ACBD6: variants seen among roughly 807,000 people sequenced by gnomAD.
The protein encoded by ACBD6 is acyl-CoA binding domain containing 6.
A neutral mutation model predicts 37.2 loss-of-function variants in ACBD6; 28 were observed. That is an observed-to-expected ratio of 0.75 (90% confidence interval 0.56 to 1.03). The LOEUF is 1.03. ACBD6 is among the 50% of genes least tolerant of loss of function. ACBD6 has a pLI of 0.00. For synonymous variants in ACBD6, 113 were observed against 126.8 expected (o/e 0.89, Z 0.73); for missense variants, 340 against 337.4 (o/e 1.01, Z -0.06).
At chr1:180,296,958 T>C (rs1571329068) in intron 7 of ACBD6, among the ~76,000 whole-genome samples, 1 of 151,886 alleles carries the variant, frequency 6.6e-6, no homozygotes, top group East Asian at 2.0e-4. Context: ...AACCCCATCT[T>C]TACTAAAAAT....
chr1:180,502,190 C>T lies in ACBD6; in HGVS notation c.77G>A (p.Gly26Glu), dbSNP rs1161659175. The T allele has an allele frequency of 1.2e-6, 2 of 1,614,088 alleles. No homozygotes were observed. Residue 26 changes from glycine to glutamate, a missense_variant, in exon 1 of 8, where the codon GGG becomes GAG. Gly to Glu is a moderately conservative substitution (Grantham distance 98). Coordinates refer to ENST00000367595, the MANE Select transcript of ACBD6 (RefSeq NM_032360.4). ...GGELSSGDDS[G>E]EVEFPHSPEI... ...AGGGCTATGGGGGAACTCCACCTCC[C>T]CGGAGTCGTCCCCTGAGCTCAGCTC...
chr1:180,397,507 C>A lies in ACBD6; in HGVS notation c.663+9G>T. Reference sequence around the variant, plus strand: ...TTAAAAAATAAAAGCTCTTCTTTATCACTCTTACCTGACAGTTAATGTCAG... The same window carrying A: ...TTAAAAAATAAAAGCTCTTCTTTATAACTCTTACCTGACAGTTAATGTCAG... On this transcript the variant is annotated intron_variant, in intron 6 of 7. Transcript: ENST00000367595. 6.2e-7 allele frequency: 1 copy of A among 1,608,768 alleles called. No individual in the cohort carries two copies. Among genetic ancestry groups the A allele is most frequent in the South Asian group, 1.1e-5 (1 of 90,982 alleles).
chr1:180,479,294 C>A (rs942449483), intron 3 of ACBD6, among the ~76,000 whole-genome samples: 4 of 152,022 alleles, frequency 2.6e-5, no homozygotes, highest in Non-Finnish European at 5.9e-5. Flanking sequence ...TATATATACA[C>A]AATGAAATAT....
intron 1 of ACBD6, among the ~76,000 whole-genome samples, chr1:180,496,779 G>C (rs1394326823): frequency 1.3e-5 from 2 of 152,112 alleles, no homozygotes; most frequent in African/African-American, 4.8e-5. Context: ...ATGGAATAGA[G>C]AGAAGAAAGG....
At chr1:180,389,498 C>G (rs1292829632) in intron 6 of ACBD6, among the ~76,000 whole-genome samples, 6 of 151,990 alleles carry the variant, frequency 3.9e-5, no homozygotes, top group South Asian at 2.1e-4. Context: ...ATGATTTATA[C>G]TCCTTTGGGT....
chr1:180,502,004 C>A, intron 1 of ACBD6, 41 bp downstream of exon 1: 2 of 1,592,924 alleles, frequency 1.3e-6, no homozygotes, highest in South Asian at 1.1e-5. Context: ...AAGAAGGCTC[C>A]GTGTCTTTCT....
chr1:180,420,693 T>C (rs2101983978), intron 4 of ACBD6, among the ~76,000 whole-genome samples: 2 of 152,290 alleles, frequency 1.3e-5, no homozygotes, highest in Non-Finnish European at 2.9e-5. Flanking sequence ...GGAAAAAGAA[T>C]CAATGGAACC....
At chr1:180,387,051 C>A (rs1252570724) in intron 6 of ACBD6, among the ~76,000 whole-genome samples, 1 of 152,130 alleles carries the variant, frequency 6.6e-6, no homozygotes, top group South Asian at 2.1e-4. Context: ...GTTTCTTGTG[C>A]AGCTCCTGAT....
Position 180,397,551 on chromosome 1 carries a change from CTG to C in ACBD6, c.626_627del (p.Thr209SerfsTer6). On this transcript the variant is annotated frameshift_variant, in exon 6 of 8. Transcript: ENST00000367595. LOFTEE classifies it high-confidence loss of function. Reference protein sequence around the residue: ...ACDRGHKELVTVLLQHRADIN... With the variant: ...ACDRGHKELVXVLLQHRADIN... The stretch of plus-strand genomic sequence containing the variant: ...ATGTCAGCTCTATGTTGCAGCAACA[CTG>C]TGACTAGTTCCTTATGTCCTCGATC... 1 of 1,614,106 alleles carries C rather than the reference CTG, an allele frequency of 6.2e-7. No individual in the cohort carries two copies. The highest frequency in any genetic ancestry group is 8.5e-7 in the Non-Finnish European group (1 of 1,179,960).
intron 4 of ACBD6, among the ~76,000 whole-genome samples, chr1:180,417,862 C>T (rs1648163372): frequency 6.6e-6 from 1 of 152,148 alleles, no homozygotes; most frequent in South Asian, 2.1e-4. Flanking sequence ...GTGAATATTA[C>T]TTCTTTGTAG....
intron 7 of ACBD6, among the ~76,000 whole-genome samples, chr1:180,300,682 C>G (rs140737888): frequency 1.5e-4 from 23 of 152,044 alleles, no homozygotes; most frequent in African/African-American, 4.3e-4. Flanking sequence ...CTGAGAGAAA[C>G]AGAAGTTCTA....
intron 3 of ACBD6, among the ~76,000 whole-genome samples, chr1:180,452,132 T>C (rs1649730535): frequency 6.6e-6 from 1 of 152,146 alleles, no homozygotes; most frequent in South Asian, 2.1e-4. Flanking sequence ...TAGCACTAAA[T>C]GCCCACAGGA....
intron 6 of ACBD6, among the ~76,000 whole-genome samples, chr1:180,381,589 G>A (rs1653652163): frequency 6.6e-6 from 1 of 152,004 alleles, no homozygotes; most frequent in Admixed American, 6.6e-5. Context: ...TAAATACATG[G>A]AAATTAGACA....
At chr1:180,379,188 A>G (rs1653551558) in intron 6 of ACBD6, among the ~76,000 whole-genome samples, 1 of 152,186 alleles carries the variant, frequency 6.6e-6, no homozygotes, top group Admixed American at 6.5e-5. Flanking sequence ...CAGAAATTAC[A>G]CTACCAGAAT....
intron 6 of ACBD6, among the ~76,000 whole-genome samples, chr1:180,368,345 A>T (rs975604289): frequency 2.0e-5 from 3 of 152,082 alleles, no homozygotes; most frequent in Non-Finnish European, 4.4e-5. Flanking sequence ...TACTCTGTTG[A>T]CAGTTTCTTT....
At chr1:180,484,532 A>G (rs977169684) in intron 3 of ACBD6, among the ~76,000 whole-genome samples, 1 of 152,190 alleles carries the variant, frequency 6.6e-6, no homozygotes, top group Non-Finnish European at 1.5e-5. Context: ...GAAAGAGGGA[A>G]GGCTATCATG....
intron 6 of ACBD6, among the ~76,000 whole-genome samples, chr1:180,315,143 T>C (rs948485937): frequency 9.9e-5 from 15 of 152,284 alleles, no homozygotes; most frequent in African/African-American, 2.6e-4. Context: ...AGTGGATAGC[T>C]TTTTATCCCT....
intron 5 of ACBD6, among the ~76,000 whole-genome samples, chr1:180,402,057 G>A (rs1326386893): frequency 1.3e-5 from 2 of 152,006 alleles, no homozygotes; most frequent in East Asian, 1.9e-4. Context: ...ATTTCTCTCT[G>A]CAAAAAAATT....
chr1:180,419,566 C>T (rs547830674), intron 4 of ACBD6, among the ~76,000 whole-genome samples: 35 of 152,274 alleles, frequency 2.3e-4, no homozygotes, highest in African/African-American at 7.7e-4. Flanking sequence ...GGCACCGACC[C>T]CCTGCATAGT....
Sources: gnomAD v4.1 joint callset for allele counts (sites outside exome capture counted in the v4.1 genomes callset) on GRCh38, gnomAD v4.1.1 for gene constraint, MANE v1.5 for transcripts, NCBI Gene and HGNC (gene_info 2026-07-23, HGNC 2026-07-21) for gene names.